The following U2SURP variants were observed in gnomAD, a reference collection of about 807,000 sequenced individuals.
U2SURP encodes the protein U2 snRNP associated SURP domain containing.
In U2SURP, 9 loss-of-function variants were observed where a neutral mutation model predicts 144.9. The observed-to-expected ratio is 0.06, with a 90% CI of 0.04 to 0.11. The LOEUF (loss-of-function observed/expected upper bound fraction) is 0.11. Ranked by LOEUF, U2SURP falls within the 10% of genes least tolerant of loss-of-function variation. U2SURP has a pLI of 1.00. For synonymous variants in U2SURP, 408 were observed against 396.8 expected, an observed-to-expected ratio of 1.03 and a Z score of -0.33; for missense variants, 724 against 1,226.7, an observed-to-expected ratio of 0.59 and a Z score of 6.12.
At chr3:143,028,717 A>T in intron 16 of U2SURP, 71 bp downstream of exon 16, 2 of 1,334,268 alleles carry the variant, frequency 1.5e-6, no homozygotes, top group South Asian at 2.9e-5. Flanking sequence ...TAATGGTCTT[A>T]TTAAGATGTT....
chr3:143,017,406 TC>T, intron 6 of U2SURP: 1 of 152,884 alleles, frequency 6.5e-6, no homozygotes, highest in Non-Finnish European at 1.5e-5. Flanking sequence ...TAAAATATTC[TC>T]AGTGTTAGAA....
At chr3:143,042,997 C>T in intron 23 of U2SURP, 120 bp from the exon 24 acceptor site, 1 of 958,278 alleles carries the variant, frequency 1.0e-6, no homozygotes, top group Non-Finnish European at 1.5e-6. Flanking sequence ...ATGAATTGTC[C>T]TATTATGTTT....
Position 143,001,640 on chromosome 3 carries a change from A to G in U2SURP, c.12A>G (p.Lys4=). Residue 4 remains lysine, a synonymous_variant, in exon 1 of 28, where the codon AAA becomes AAG. Transcript: ENST00000473835. MAD[K]TPGGSQKASS... ...GGGCAAAGCTCAAGATGGCGGACAA[A>G]ACGCCAGGCGGATCTCAGAAGGCCA... 2.5e-6 allele frequency: 4 copies of G among 1,613,992 alleles called. No individual in the cohort carries two copies. Among genetic ancestry groups the G allele is most frequent in the Non-Finnish European group, 3.4e-6 (4 of 1,179,876 alleles).
chr3:143,001,582 G>A lies in U2SURP; in HGVS notation c.-47G>A. 6.2e-7 allele frequency: 1 copy of A among 1,609,634 alleles called. No homozygotes were observed. Among genetic ancestry groups the A allele is most frequent in the Non-Finnish European group, 8.5e-7 (1 of 1,178,230 alleles). ...ACTGAGATCCGCTCTTTCGGTGCTCGACTCGCCCGTGCTGCTGCCGCCGCC... is the reference window on the plus strand; with the variant it reads ...ACTGAGATCCGCTCTTTCGGTGCTCAACTCGCCCGTGCTGCTGCCGCCGCC... On this transcript the variant is annotated 5_prime_UTR_variant, in exon 1 of 28. Transcript: ENST00000473835.
rs750511853 is a variant in U2SURP at position 143,028,332 on chromosome 3, T to C, written c.1380-8T>C. On this transcript the variant is annotated splice_polypyrimidine_tract_variant and splice_region_variant and intron_variant, in intron 14 of 27. Coordinates refer to ENST00000473835, the MANE Select transcript of U2SURP (RefSeq NM_001080415.2). ...ATATGATGTTTAATGTTTGTTTGTT[T>C]TGTGTAGGTTCTTATTTGAAAACCA... 18 of 1,608,314 alleles carry C rather than the reference T, an allele frequency of 1.1e-5. No homozygotes were observed. Among genetic ancestry groups the C allele is most frequent in the Non-Finnish European group, 1.4e-5 (16 of 1,177,256 alleles).
chr3:143,002,645 A>G (rs557879875), intron 1 of U2SURP, among the ~76,000 whole-genome samples: 1 of 152,218 alleles, frequency 6.6e-6, no homozygotes, highest in East Asian at 1.9e-4. Flanking sequence ...AGAGTGTGTG[A>G]CTGTAAATCG....
chr3:143,053,841 G>A, intron 26 of U2SURP, 47 bp downstream of exon 26: 2 of 1,435,170 alleles, frequency 1.4e-6, no homozygotes, highest in South Asian at 1.5e-5. Context: ...TTCAAGATTT[G>A]CAGTGGTGTT....
Position 143,053,723 on chromosome 3 carries a change from T to G in U2SURP, c.2703T>G (p.Asp901Glu). ...LERERERDKK[D>E]KEKLESRSKD... ...GAGAACGAGAAAGAGACAAGAAAGA[T>G]AAAGAAAAATTGGAATCTCGCTCCA... The change falls in exon 26 of 28, where the codon GAT (aspartate) becomes GAG (glutamate). Residue 901 changes from aspartate (D) to glutamate (E), a missense_variant. This residue lies in a region of U2SURP where 129 missense variants were observed against 196.1 expected (regional missense o/e 0.66). Transcript: ENST00000473835. 1 of 1,602,360 alleles carries G rather than the reference T, an allele frequency of 6.2e-7. No homozygotes were observed. The highest frequency in any genetic ancestry group is 8.5e-7 in the Non-Finnish European group (1 of 1,172,918).
intron 22 of U2SURP, 109 bp from the exon 23 acceptor site, chr3:143,038,785 A>C (rs1933943926): frequency 4.1e-6 from 3 of 730,274 alleles, no homozygotes; most frequent in Non-Finnish European, 6.5e-6. Flanking sequence ...AGATTAAAAA[A>C]ACTTCTGTAA....
chr3:143,053,528 G>A, intron 25 of U2SURP, 148 bp from the exon 26 acceptor site: 1 of 503,466 alleles, frequency 2.0e-6, no homozygotes, highest in Non-Finnish European at 3.2e-6. Context: ...TTTCCCTGAA[G>A]GGGTAGATTT....
Position 143,021,501 on chromosome 3 carries a change from T to C in U2SURP, c.798T>C (p.His266=), listed in dbSNP as rs778765672. The change falls in exon 10 of 28, where the codon CAT becomes CAC. Residue 266 remains histidine, a synonymous_variant. Transcript: ENST00000473835. ...TTGATGATTACGCACCTGGCTCACA[T>C]GATGTAGGAGATCCAAGCACTACTA... ...GVLDDYAPGS[H]DVGDPSTTNL... is the part of the protein sequence containing the mutation. 41 of 1,613,794 alleles carry C rather than the reference T, an allele frequency of 2.5e-5. No homozygotes were observed. The highest frequency in any genetic ancestry group is 3.2e-5 in the Non-Finnish European group (38 of 1,179,866).
At chr3:143,011,049 C>T (rs540616076) in intron 2 of U2SURP, among the ~76,000 whole-genome samples, 190 bp downstream of exon 2, 2 of 151,160 alleles carry the variant, frequency 1.3e-5, no homozygotes, top group Admixed American at 6.6e-5. Context: ...CCCTCTGAAG[C>T]GATGTTAGAA....
At chr3:143,014,136 A>G (rs3732741) in intron 3 of U2SURP, among the ~76,000 whole-genome samples, 175 bp from the exon 4 acceptor site, 1 of 151,934 alleles carries the variant, frequency 6.6e-6, no homozygotes, top group East Asian at 1.9e-4. Context: ...AATACTTAAC[A>G]TCAGAGTCAA....
At chr3:143,018,397 T>C (rs1936479461) in intron 6 of U2SURP, among the ~76,000 whole-genome samples, 2 of 152,248 alleles carry the variant, frequency 1.3e-5, no homozygotes, top group African/African-American at 4.8e-5. Flanking sequence ...TGTGGTTGAA[T>C]AATACTCCAT....
At chr3:143,041,830 A>G (rs1390646534) in intron 23 of U2SURP, among the ~76,000 whole-genome samples, 1 of 152,044 alleles carries the variant, frequency 6.6e-6, no homozygotes. Flanking sequence ...AAGGCAAAAC[A>G]GCGTTTGTTC....
At chr3:143,043,314 G>T (rs761372463) in intron 24 of U2SURP, 38 bp downstream of exon 24, 105 of 1,550,584 alleles carry the variant, frequency 6.8e-5, no homozygotes, top group Non-Finnish European at 9.1e-5. Context: ...CACTTTATTG[G>T]CTTTTCACTT....
rs1168498450 is a variant in U2SURP at position 143,017,632 on chromosome 3, C to CT, written c.570+667dup. Among the ~76,000 whole-genome samples the CT allele has an allele frequency of 2.9e-3, 435 of 147,806 alleles. 2 individuals are homozygous for CT. Among genetic ancestry groups the CT allele is most frequent in the African/African-American group, 7.7e-3 (312 of 40,342 alleles). On this transcript the variant is annotated intron_variant, in intron 6 of 27. Coordinates refer to ENST00000473835, the MANE Select transcript of U2SURP (RefSeq NM_001080415.2). Reference sequence around the variant, plus strand: ...TCACATACAATACAATAAAATTTACCTTTTTTTTTTGAGACAGTCTCTCTG... The same window carrying CT: ...TCACATACAATACAATAAAATTTACCTTTTTTTTTTTGAGACAGTCTCTCTG...
intron 14 of U2SURP, among the ~76,000 whole-genome samples, chr3:143,027,712 A>T (rs1933238124): frequency 6.6e-6 from 1 of 152,188 alleles, no homozygotes; most frequent in Non-Finnish European, 1.5e-5. Flanking sequence ...ATTTATTAGA[A>T]TTAAAAATAT....
chr3:143,023,147 GA>G (rs2108285018), intron 12 of U2SURP, 83 bp downstream of exon 12: 1 of 1,227,974 alleles, frequency 8.1e-7, no homozygotes, highest in South Asian at 1.6e-5. Flanking sequence ...CAATTTTATA[GA>G]AAATGTGTGT....
Sources: gnomAD v4.1 joint callset for allele counts (sites outside exome capture counted in the v4.1 genomes callset) on GRCh38, gnomAD v4.1.1 for gene constraint, gnomAD v4.1.1 regional missense constraint, MANE v1.5 for transcripts, NCBI Gene and HGNC (gene_info 2026-07-23, HGNC 2026-07-21) for gene names.